Variants in OLFM3 observed in about 807,000 individuals in gnomAD.
OLFM3 encodes noelin-3.
A neutral mutation model predicts 48.6 loss-of-function variants in OLFM3; 20 were observed. That is an observed-to-expected ratio of 0.41 (90% confidence interval 0.29 to 0.60). OLFM3 has a LOEUF of 0.60. Among genes scored for constraint, OLFM3 ranks in the 20% least tolerant of loss-of-function variants. The pLI is 0.28. For synonymous variants in OLFM3, 222 were observed against 198.1 expected, an observed-to-expected ratio of 1.12 and a Z score of -1.01; for missense variants, 437 against 544.3, an observed-to-expected ratio of 0.80 and a Z score of 1.96.
intron 1 of OLFM3, among the ~76,000 whole-genome samples, chr1:101,923,227 A>G (rs1328363324): frequency 1.3e-5 from 2 of 152,236 alleles, no homozygotes; most frequent in African/African-American, 4.8e-5. Flanking sequence ...TTTAAAATTT[A>G]CACAAGGATA....
intron 1 of OLFM3, among the ~76,000 whole-genome samples, chr1:101,878,674 C>A (rs1400367881): frequency 1.3e-5 from 2 of 151,812 alleles, no homozygotes; most frequent in Non-Finnish European, 2.9e-5. Flanking sequence ...TGCCATGCAT[C>A]TTCTGGGTCC....
chr1:101,887,228 GA>G (rs199654575), intron 1 of OLFM3, among the ~76,000 whole-genome samples: 3 of 148,454 alleles, frequency 2.0e-5, no homozygotes, highest in South Asian at 2.1e-4. Context: ...TCCATGAATG[GA>G]AAAAAAAACT....
At chr1:101,821,191 G>T (rs1035891614) in intron 4 of OLFM3, among the ~76,000 whole-genome samples, 2 of 152,002 alleles carry the variant, frequency 1.3e-5, no homozygotes, top group Non-Finnish European at 2.9e-5. Context: ...GAGTTCAAGG[G>T]TTCTCAGAGA....
At chr1:101,937,454 C>T (rs943697718) in intron 1 of OLFM3, among the ~76,000 whole-genome samples, 1 of 152,146 alleles carries the variant, frequency 6.6e-6, no homozygotes, top group South Asian at 2.1e-4. Flanking sequence ...GGGAGGGCCC[C>T]GGTGGGAGGT....
intron 1 of OLFM3, among the ~76,000 whole-genome samples, chr1:101,987,740 C>T (rs1454198864): frequency 6.6e-6 from 1 of 151,994 alleles, no homozygotes; most frequent in Non-Finnish European, 1.5e-5. Flanking sequence ...CATCAAGGGG[C>T]AATTCTTCTT....
intron 1 of OLFM3, among the ~76,000 whole-genome samples, chr1:101,916,453 T>C (rs1368664363): frequency 6.6e-6 from 1 of 152,066 alleles, no homozygotes; most frequent in South Asian, 2.1e-4. Context: ...TCTAAGACAG[T>C]TAATGTTACA....
intron 1 of OLFM3, among the ~76,000 whole-genome samples, chr1:101,850,505 A>G (rs1365631211): frequency 6.6e-6 from 1 of 152,104 alleles, no homozygotes; most frequent in East Asian, 1.9e-4. Context: ...TTTGTAGAAC[A>G]AAAGTTAAAT....
rs28685108 is a variant in OLFM3 at position 101,905,348 on chromosome 1, G to A, written c.70-68323C>T. Among the ~76,000 whole-genome samples, 5 of 152,238 alleles carry A rather than the reference G, an allele frequency of 3.3e-5. No individual in the cohort carries two copies. In the East Asian group the frequency reaches 9.6e-4, roughly 29 times the overall value. On this transcript the variant is annotated intron_variant, in intron 1 of 5. Transcript: ENST00000370103. ...CTGAAACATCAAAATCTCATTAAAAGCAGCTATTGAATAAAAATATCACTT... is the reference window on the plus strand; with the variant it reads ...CTGAAACATCAAAATCTCATTAAAAACAGCTATTGAATAAAAATATCACTT...
chr1:101,981,731 C>T (rs1661111120), intron 1 of OLFM3, among the ~76,000 whole-genome samples: 1 of 152,208 alleles, frequency 6.6e-6, no homozygotes, highest in South Asian at 2.1e-4. Context: ...GAAACATATT[C>T]CCTTCCAGTT....
intron 1 of OLFM3, among the ~76,000 whole-genome samples, chr1:101,941,102 T>C (rs1659781171): frequency 6.6e-6 from 1 of 152,156 alleles, no homozygotes; most frequent in South Asian, 2.1e-4. Context: ...CCCATTTTAC[T>C]TCACAGAAAA....
At chr1:101,854,443 G>A (rs1484564901) in intron 1 of OLFM3, among the ~76,000 whole-genome samples, 1 of 151,986 alleles carries the variant, frequency 6.6e-6, no homozygotes, top group African/African-American at 2.4e-5. Flanking sequence ...TAAGCCCGGG[G>A]GATCCTCCGT....
rs780638936 is a variant in OLFM3 at position 101,861,745 on chromosome 1, G to A, written c.70-24720C>T. 2.6e-5 allele frequency among the ~76,000 whole-genome samples: 4 copies of A among 152,292 alleles called. No individual in the cohort carries two copies. The South Asian group carries it at 6.2e-4, about 24-fold the overall frequency. On this transcript the variant is annotated intron_variant, in intron 1 of 5. Transcript: ENST00000370103. ...ATGTAGACCTGGGTTGGAATGCCAG[G>A]TTTGTCACTTACTGTGTGATCCTGT...
At chr1:101,960,928 T>C (rs940327798) in intron 1 of OLFM3, among the ~76,000 whole-genome samples, 2 of 152,158 alleles carry the variant, frequency 1.3e-5, no homozygotes, top group African/African-American at 4.8e-5. Context: ...ACACATATGA[T>C]CATAATAGTT....
At chr1:101,826,064 T>C (rs1317030437) in intron 3 of OLFM3, among the ~76,000 whole-genome samples, 5 of 152,006 alleles carry the variant, frequency 3.3e-5, no homozygotes, top group Non-Finnish European at 5.9e-5. Context: ...CCAAGGTGTG[T>C]AGTTTATGTA....
At chr1:101,901,534 G>C (rs530182107) in intron 1 of OLFM3, among the ~76,000 whole-genome samples, 1 of 152,010 alleles carries the variant, frequency 6.6e-6, no homozygotes, top group South Asian at 2.1e-4. Context: ...AAGATGACAG[G>C]GGACACTGTC....
intron 1 of OLFM3, among the ~76,000 whole-genome samples, chr1:101,990,995 A>AGT (rs1661384025): frequency 1.2e-5 from 1 of 81,306 alleles, no homozygotes. Flanking sequence ...AAAGTAAAAA[A>AGT]AAAAAAAAAA....
intron 1 of OLFM3, among the ~76,000 whole-genome samples, chr1:101,934,782 C>T (rs1659560128): frequency 6.6e-6 from 1 of 151,400 alleles, no homozygotes; most frequent in South Asian, 2.1e-4. Flanking sequence ...TTGACCTCAA[C>T]ACAATAAAAA....
chr1:101,910,192 C>T (rs999989529), intron 1 of OLFM3: 9 of 960,404 alleles, frequency 9.4e-6, no homozygotes, highest in African/African-American at 7.1e-5. Flanking sequence ...CTCGACCGGG[C>T]GCGGTCGCTC....
chr1:101,835,066 T>C (rs747593120), intron 2 of OLFM3, among the ~76,000 whole-genome samples: 7 of 152,100 alleles, frequency 4.6e-5, no homozygotes, highest in Non-Finnish European at 8.8e-5. Context: ...TACTGAAAAA[T>C]AGCAACACAG....
Sources: gnomAD v4.1 joint callset for allele counts (sites outside exome capture counted in the v4.1 genomes callset) on GRCh38, gnomAD v4.1.1 for gene constraint, MANE v1.5 for transcripts, NCBI Gene and HGNC (gene_info 2026-07-23, HGNC 2026-07-21) for gene names.